WDR64: variants seen among roughly 807,000 people sequenced by gnomAD.
WDR64 encodes the protein WD repeat domain 64.
In WDR64, 112 loss-of-function variants were observed where a neutral mutation model predicts 139.3. The observed-to-expected ratio is 0.80, with a 90% CI of 0.69 to 0.94. The LOEUF is 0.94. WDR64 is among the 40% of genes least tolerant of loss of function. The probability of loss-of-function intolerance (pLI) is 0.00; values close to 1 mark genes in which losing one functional copy is unlikely to be tolerated. For missense variants in WDR64, 1,206 were observed against 1,293.1 expected (o/e 0.93, Z 1.03); for synonymous variants, 444 against 437.7 (o/e 1.01, Z -0.18).
chr1:241,683,615 A>G lies in WDR64; in HGVS notation c.753A>G (p.Thr251=), dbSNP rs1195721670. Residue 251 remains threonine, a synonymous_variant, in exon 7 of 28, where the codon ACA becomes ACG. Transcript: ENST00000437684. ...GDDGGFVNRF[T]VNSDDFGIKQ... The stretch of plus-strand genomic sequence containing the variant: ...ATGGGGGTTTTGTGAACAGATTCAC[A>G]GTCAACAGTGATGACTTTGGAATAA... 1 of 1,551,578 alleles carries G rather than the reference A, an allele frequency of 6.4e-7. No homozygotes were observed. The highest frequency in any genetic ancestry group is 1.4e-5 in the African/African-American group (1 of 73,036).
At chr1:241,667,610 G>C (rs1287383531) in intron 2 of WDR64, among the ~76,000 whole-genome samples, 2 of 152,160 alleles carry the variant, frequency 1.3e-5, no homozygotes, top group Non-Finnish European at 2.9e-5. Flanking sequence ...CATTGCTGTT[G>C]CTGAGACATA....
Position 241,801,220 on chromosome 1 carries a change from A to G in WDR64, c.*5A>G. 1 of 1,611,702 alleles carries G rather than the reference A, an allele frequency of 6.2e-7. No individual in the cohort carries two copies. Among genetic ancestry groups the G allele is most frequent in the Non-Finnish European group, 8.5e-7 (1 of 1,178,122 alleles). On this transcript the variant is annotated 3_prime_UTR_variant, in exon 28 of 28. Transcript: ENST00000437684. ...TTCCCAGCTATACCCAAGTAAGGAG[A>G]AAAAATCAGAAATGGCTGCTGCACA...
intron 8 of WDR64, among the ~76,000 whole-genome samples, chr1:241,705,305 G>A (rs996752094): frequency 5.9e-5 from 9 of 152,056 alleles, no homozygotes; most frequent in African/African-American, 2.2e-4. Flanking sequence ...ACTTTGGGAG[G>A]CCAAGGAGGG....
chr1:241,653,543 C>CTTTTCTTTTCT (rs1553359144), intron 1 of WDR64, among the ~76,000 whole-genome samples: 1 of 137,120 alleles, frequency 7.3e-6, no homozygotes, highest in East Asian at 2.1e-4. Flanking sequence ...CTTTTCTTTT[C>CTTTTCTTTTCT]TTTTTTTTTT....
intron 17 of WDR64, 51 bp downstream of exon 17, chr1:241,769,556 G>C: frequency 1.4e-6 from 2 of 1,458,726 alleles, no homozygotes; most frequent in Non-Finnish European, 1.9e-6. Flanking sequence ...TTAGGTGGCT[G>C]ATACATTAGG....
At chr1:241,766,418 A>T (rs1317852777) in intron 16 of WDR64, 67 bp downstream of exon 16, 50 of 1,535,996 alleles carry the variant, frequency 3.3e-5, no homozygotes, top group Middle Eastern at 2.2e-4. Context: ...AGCATGCAAC[A>T]CTCAGGGAAG....
At chr1:241,789,211 C>T (rs957116445) in intron 24 of WDR64, among the ~76,000 whole-genome samples, 2 of 152,014 alleles carry the variant, frequency 1.3e-5, no homozygotes, top group Non-Finnish European at 2.9e-5. Flanking sequence ...ACAGCTTTAG[C>T]GTAGGACACG....
intron 15 of WDR64, among the ~76,000 whole-genome samples, chr1:241,764,120 G>C (rs1051179930): frequency 6.6e-6 from 1 of 152,104 alleles, no homozygotes; most frequent in Non-Finnish European, 1.5e-5. Context: ...AGTAATACTG[G>C]GAGTAGTTAA....
chr1:241,720,992 CA>C (rs1668587736), intron 9 of WDR64, among the ~76,000 whole-genome samples: 1 of 151,976 alleles, frequency 6.6e-6, no homozygotes, highest in East Asian at 1.9e-4. Context: ...GAAAAGAGAC[CA>C]ATTTCAGTTT....
chr1:241,708,135 G>A (rs763758820), intron 8 of WDR64, among the ~76,000 whole-genome samples: 26 of 152,162 alleles, frequency 1.7e-4, no homozygotes, highest in Non-Finnish European at 3.1e-4. Context: ...AAAGCAGGGC[G>A]AATATACTCC....
chr1:241,797,013 G>A (rs986588012), intron 27 of WDR64, among the ~76,000 whole-genome samples: 1 of 152,192 alleles, frequency 6.6e-6, no homozygotes, highest in Admixed American at 6.5e-5. Flanking sequence ...CCATCCTTGT[G>A]TCTTAATTTG....
chr1:241,786,523 A>T (rs923289447), intron 23 of WDR64, among the ~76,000 whole-genome samples: 3 of 152,250 alleles, frequency 2.0e-5, no homozygotes, highest in Non-Finnish European at 4.4e-5. Context: ...ATAGTGAAAC[A>T]AGGCATATGG....
At chr1:241,797,044 C>G (rs1484917874) in intron 27 of WDR64, among the ~76,000 whole-genome samples, 1 of 152,090 alleles carries the variant, frequency 6.6e-6, no homozygotes, top group Non-Finnish European at 1.5e-5. Context: ...CAGAGTAAAG[C>G]CATGAGGTCA....
chr1:241,675,278 C>CCCTTCCTT (rs1666506644), intron 4 of WDR64, among the ~76,000 whole-genome samples: 1 of 131,040 alleles, frequency 7.6e-6, no homozygotes, highest in African/African-American at 3.0e-5. Flanking sequence ...CTCCCTTCCT[C>CCCTTCCTT]TCTCTCCTCC....
At chr1:241,677,709 T>G (rs1276798216) in intron 4 of WDR64, among the ~76,000 whole-genome samples, 1 of 152,184 alleles carries the variant, frequency 6.6e-6, no homozygotes, top group African/African-American at 2.4e-5. Flanking sequence ...GGAGGCCCAC[T>G]GGGTAAAATG....
chr1:241,668,210 A>G (rs576581679), intron 2 of WDR64, among the ~76,000 whole-genome samples: 1 of 152,318 alleles, frequency 6.6e-6, no homozygotes, highest in South Asian at 2.1e-4. Context: ...TGGGGAAAGT[A>G]AAAGAAGACA....
intron 8 of WDR64, among the ~76,000 whole-genome samples, chr1:241,702,188 A>G (rs771735406): frequency 6.6e-6 from 1 of 152,172 alleles, no homozygotes; most frequent in Non-Finnish European, 1.5e-5. Context: ...GCAACTAACT[A>G]CTCAGCATTA....
At chr1:241,788,564 A>G (rs1003962200) in intron 24 of WDR64, among the ~76,000 whole-genome samples, 3 of 152,196 alleles carry the variant, frequency 2.0e-5, no homozygotes, top group Non-Finnish European at 4.4e-5. Context: ...GATGAGTCCA[A>G]ATGGAAAGAA....
In WDR64 at chr1:241,671,101, G is replaced by T. The variant is rs1666208498; in HGVS notation, c.304G>T (p.Asp102Tyr). 6.4e-7 allele frequency: 1 copy of T among 1,550,532 alleles called. No individual in the cohort carries two copies. The change falls in exon 3 of 28, where the codon GAT (aspartate) becomes TAT (tyrosine). Residue 102 changes from aspartate to tyrosine, a missense_variant. Transcript: ENST00000437684. ...CTTTGGATACTTCTCCTCTGAAGAA[G>T]ATCCTATTGCTTCCCAGTTGGATGA... ...EIFGYFSSEE[D>Y]PIASQLDEEN...
Sources: gnomAD v4.1 joint callset for allele counts (sites outside exome capture counted in the v4.1 genomes callset) on GRCh38, gnomAD v4.1.1 for gene constraint, MANE v1.5 for transcripts, NCBI Gene and HGNC (gene_info 2026-07-23, HGNC 2026-07-21) for gene names.